Variants in INPP4B observed in about 807,000 individuals in gnomAD.
INPP4B encodes the protein inositol polyphosphate-4-phosphatase type II B, also known as inositol polyphosphate 4-phosphatase type II.
In INPP4B, 55 loss-of-function variants were observed where a neutral mutation model predicts 122.5. The ratio of observed to expected loss-of-function variants is 0.45; its 90% CI spans 0.36 to 0.56. The LOEUF is 0.56. Ranked by LOEUF, INPP4B falls within the 20% of genes least tolerant of loss-of-function variation. INPP4B has a pLI of 0.00. For missense variants in INPP4B, 1,000 were observed against 1,097.7 expected (o/e 0.91, Z 1.26); for synonymous variants, 403 against 388.7 (o/e 1.04, Z -0.43).
At chr4:142,512,021 A>C (rs1824787000) in intron 2 of INPP4B, among the ~76,000 whole-genome samples, 1 of 152,224 alleles carries the variant, frequency 6.6e-6, no homozygotes, top group South Asian at 2.1e-4. Context: ...TTTATAAGAC[A>C]CTAAAATATG....
intron 7 of INPP4B, among the ~76,000 whole-genome samples, chr4:142,348,190 A>G (rs1305361343): frequency 6.6e-6 from 1 of 151,990 alleles, no homozygotes; most frequent in African/African-American, 2.4e-5. Flanking sequence ...AAGAGGGCGC[A>G]TGGTAGATCC....
At chr4:142,442,440 GA>G (rs1196630015) in intron 3 of INPP4B, among the ~76,000 whole-genome samples, 2 of 144,042 alleles carry the variant, frequency 1.4e-5, no homozygotes, top group Non-Finnish European at 3.1e-5. Flanking sequence ...AGAGAGAGAA[GA>G]AAAAAATAAA....
At chr4:142,643,565 T>A (rs1751024300) in intron 2 of INPP4B, among the ~76,000 whole-genome samples, 1 of 152,144 alleles carries the variant, frequency 6.6e-6, no homozygotes, top group African/African-American at 2.4e-5. Flanking sequence ...AAGCTTTTTG[T>A]TTTATGAATT....
intron 2 of INPP4B, among the ~76,000 whole-genome samples, chr4:142,642,480 A>C (rs925290548): frequency 2.0e-5 from 3 of 152,114 alleles, no homozygotes; most frequent in African/African-American, 4.8e-5. Flanking sequence ...TCAGCTTTCT[A>C]CATATGGCTA....
chr4:142,829,905 C>A (rs1354502859), intron 1 of INPP4B, among the ~76,000 whole-genome samples: 1 of 152,114 alleles, frequency 6.6e-6, no homozygotes, highest in Non-Finnish European at 1.5e-5. Context: ...AATAATATTT[C>A]TATATGCCAT....
intron 2 of INPP4B, among the ~76,000 whole-genome samples, chr4:142,658,147 G>T (rs923454658): frequency 2.6e-5 from 4 of 152,168 alleles, no homozygotes; most frequent in Admixed American, 2.0e-4. Context: ...TTTGTCAATT[G>T]TGTTTCTAAC....
At chr4:142,558,752 G>A (rs941528648) in intron 2 of INPP4B, among the ~76,000 whole-genome samples, 76 of 124,102 alleles carry the variant, frequency 6.1e-4, no homozygotes, top group African/African-American at 2.2e-3. Context: ...CAGAGATCAC[G>A]CCATTGCACT....
intron 18 of INPP4B, among the ~76,000 whole-genome samples, chr4:142,133,199 C>G (rs1802199650): frequency 6.6e-6 from 1 of 152,180 alleles, no homozygotes; most frequent in Non-Finnish European, 1.5e-5. Context: ...TCCCCTTTCT[C>G]TGTACACTCA....
At chr4:142,518,549 G>C (rs762487031) in intron 2 of INPP4B, among the ~76,000 whole-genome samples, 9 of 152,028 alleles carry the variant, frequency 5.9e-5, no homozygotes, top group Non-Finnish European at 1.0e-4. Flanking sequence ...GTCACATTCT[G>C]TTACACACAC....
intron 2 of INPP4B, among the ~76,000 whole-genome samples, chr4:142,481,332 G>A: frequency 6.6e-6 from 1 of 151,652 alleles, no homozygotes; most frequent in African/African-American, 2.4e-5. Flanking sequence ...GGGTGAAAAA[G>A]GAAAACAGAA....
chr4:142,086,254 T>G lies in INPP4B; in HGVS notation c.2377A>C (p.Ile793Leu). 1 of 1,485,622 alleles carries G rather than the reference T, an allele frequency of 6.7e-7. No individual in the cohort carries two copies. The allele number at this position is 1,485,622 out of a possible 1,614,324, so 92.0% of individuals were successfully genotyped here. A position where few individuals can be genotyped will look rare whatever the true frequency, so the allele number is the denominator to read the frequency against. Residue 793 changes from isoleucine to leucine, a missense_variant and splice_region_variant, in exon 24 of 26, where the codon ATT becomes CTT. Transcript: ENST00000262992. The part of the protein sequence containing the change: ...IFMEKMPPDY[I>L]SHFQEQNDLK... ...TCATTTTGTTCCTGAAAATGTGAAA[T>G]ATCTGAAGGGGAAAAAACAAAGGAG... is the stretch of plus-strand genomic sequence containing the variant.
intron 16 of INPP4B, among the ~76,000 whole-genome samples, chr4:142,173,272 T>C (rs531968066): frequency 6.6e-6 from 1 of 151,932 alleles, no homozygotes; most frequent in African/African-American, 2.4e-5. Context: ...AAGCTTTATA[T>C]GCATAAAAAT....
At chr4:142,071,520 A>G (rs1767313835) in intron 25 of INPP4B, among the ~76,000 whole-genome samples, 1 of 152,206 alleles carries the variant, frequency 6.6e-6, no homozygotes, top group South Asian at 2.1e-4. Flanking sequence ...TCTGCACAGC[A>G]AAAGAAACTA....
At chr4:142,145,427 C>T (rs2152841556) in intron 18 of INPP4B, among the ~76,000 whole-genome samples, 1 of 152,232 alleles carries the variant, frequency 6.6e-6, no homozygotes, top group South Asian at 2.1e-4. Context: ...CAAAAATCAT[C>T]CTATCTGATT....
In INPP4B at chr4:142,395,518, A is replaced by C. The variant is rs1325550210; in HGVS notation, c.372+7420T>G. ...TCCCAGACCTTTCTTCAAAAAATTA[A>C]AAATAGAACTACCATAGGATACAAC... On this transcript the variant is annotated intron_variant, in intron 7 of 25. Transcript: ENST00000262992. Among the ~76,000 whole-genome samples, 3 of 152,184 alleles carry C rather than the reference A, an allele frequency of 2.0e-5. No individual in the cohort carries two copies. The East Asian group carries it at 5.8e-4, about 29-fold the overall frequency.
At chr4:142,220,842 C>A (rs1043247127) in intron 12 of INPP4B, among the ~76,000 whole-genome samples, 1 of 152,164 alleles carries the variant, frequency 6.6e-6, no homozygotes, top group Admixed American at 6.5e-5. Flanking sequence ...TGTCTTTCTT[C>A]TGAGTACAAA....
At chr4:142,477,412 A>G (rs1395722592) in intron 2 of INPP4B, among the ~76,000 whole-genome samples, 1 of 152,088 alleles carries the variant, frequency 6.6e-6, no homozygotes, top group African/African-American at 2.4e-5. Context: ...ACCAACCCCA[A>G]CACTAGCAAA....
chr4:142,339,488 G>T (rs1180399730), intron 7 of INPP4B, among the ~76,000 whole-genome samples: 1 of 152,072 alleles, frequency 6.6e-6, no homozygotes, highest in Non-Finnish European at 1.5e-5. Context: ...AAGTAATAAA[G>T]AACACAATTA....
chr4:142,316,575 C>CTAT (rs1161789505), intron 7 of INPP4B, among the ~76,000 whole-genome samples: 2 of 151,944 alleles, frequency 1.3e-5, no homozygotes, highest in Non-Finnish European at 2.9e-5. Context: ...CATATGTGTA[C>CTAT]TATTATATAC....
Sources: allele counts gnomAD v4.1 joint callset (sites outside exome capture counted in the v4.1 genomes callset), GRCh38; gene constraint gnomAD v4.1.1; transcripts MANE v1.5; gene names NCBI Gene and HGNC (gene_info 2026-07-23, HGNC 2026-07-21).